The following CRYBG1 variants were observed in gnomAD, a reference collection of about 807,000 sequenced individuals.
The protein encoded by CRYBG1 is crystallin beta-gamma domain containing 1, also known as beta/gamma crystallin domain-containing protein 1.
CRYBG1 carries 139 observed loss-of-function variants against 189.2 expected under a neutral mutation model. That is an observed-to-expected ratio of 0.73 (90% CI 0.64 to 0.85). CRYBG1 has a LOEUF of 0.85. Among genes scored for constraint, CRYBG1 ranks in the 40% least tolerant of loss-of-function variants. The probability of loss-of-function intolerance (pLI) is 0.00; values close to 1 mark genes in which losing one functional copy is unlikely to be tolerated. For missense variants in CRYBG1, 2,611 were observed against 2,675.8 expected, an observed-to-expected ratio of 0.98 and a Z score of 0.53; for synonymous variants, 1,023 against 1,017.1, an observed-to-expected ratio of 1.01 and a Z score of -0.11.
intron 3 of CRYBG1, among the ~76,000 whole-genome samples, chr6:106,513,731 A>G (rs553043029): frequency 6.6e-6 from 1 of 152,342 alleles, no homozygotes; most frequent in South Asian, 2.1e-4. Context: ...TGAGTTTAAG[A>G]TAATTCCAAA....
chr6:106,386,208 T>C (rs1385148286), intron 1 of CRYBG1, among the ~76,000 whole-genome samples: 1 of 152,222 alleles, frequency 6.6e-6, no homozygotes, highest in African/African-American at 2.4e-5. Flanking sequence ...TTTCTTTTTG[T>C]TGGCAGTCTT....
At chr6:106,410,529 T>C (rs922679715) in intron 1 of CRYBG1, among the ~76,000 whole-genome samples, 7 of 152,238 alleles carry the variant, frequency 4.6e-5, no homozygotes, top group Non-Finnish European at 1.5e-5. Context: ...ACTGGGTATA[T>C]ACCAAAAGGA....
At chr6:106,386,613 A>T (rs1467940591) in intron 1 of CRYBG1, among the ~76,000 whole-genome samples, 1 of 152,194 alleles carries the variant, frequency 6.6e-6, no homozygotes, top group Non-Finnish European at 1.5e-5. Flanking sequence ...TCCACCTCAG[A>T]TCATCAGGCA....
At position 106,511,852 on chromosome 6, in the gene CRYBG1, C is replaced by G. The variant is rs1193636170; in HGVS notation, c.735C>G (p.Phe245Leu). 2.0e-6 allele frequency: 3 copies of G among 1,515,134 alleles called. No homozygotes were observed. The highest frequency in any genetic ancestry group is 2.6e-6 in the Non-Finnish European group (3 of 1,134,014). The allele number at this position is 1,515,134 out of a possible 1,614,324, so 93.9% of individuals were successfully genotyped here. A position where few individuals can be genotyped will look rare whatever the true frequency, so the allele number is the denominator to read the frequency against. ...CTCTGGAGGCAGAGGGAGAGCCTTTCCCAGATGCCACCACCACTGCCAAGC... is the reference window on the plus strand; with the variant it reads ...CTCTGGAGGCAGAGGGAGAGCCTTTGCCAGATGCCACCACCACTGCCAAGC... ...LEPLEAEGEP[F>L]PDATTTAKQL... The change falls in exon 3 of 22, where the codon TTC becomes TTG. Residue 245 changes from phenylalanine (F) to leucine (L), a missense_variant. This residue lies in a region of CRYBG1 where 985 missense variants were observed against 924.4 expected (regional missense o/e 1.07). Coordinates refer to ENST00000633556, the MANE Select transcript of CRYBG1 (RefSeq NM_001371242.2).
At chr6:106,448,804 G>A (rs371434048) in intron 1 of CRYBG1, among the ~76,000 whole-genome samples, 1 of 152,052 alleles carries the variant, frequency 6.6e-6, no homozygotes, top group East Asian at 1.9e-4. Context: ...TGTCCTTCAG[G>A]TCTCAGCCTC....
At chr6:106,488,442 T>C (rs1476630161) in intron 2 of CRYBG1, among the ~76,000 whole-genome samples, 3 of 152,174 alleles carry the variant, frequency 2.0e-5, no homozygotes, top group African/African-American at 7.2e-5. Context: ...GTTGGGTAAA[T>C]GTCCAACAGT....
chr6:106,404,242 C>T (rs1031093632), intron 1 of CRYBG1, among the ~76,000 whole-genome samples: 4 of 152,186 alleles, frequency 2.6e-5, no homozygotes, highest in Admixed American at 6.5e-5. Flanking sequence ...GACTGGCTTC[C>T]AGGCTTCCTC....
At chr6:106,541,665 T>G in intron 10 of CRYBG1, 44 bp downstream of exon 10, 4 of 1,309,688 alleles carry the variant, frequency 3.1e-6, no homozygotes, top group Non-Finnish European at 2.2e-6. Flanking sequence ...TATGTAATTA[T>G]TTAAACATAT....
intron 8 of CRYBG1, among the ~76,000 whole-genome samples, chr6:106,531,415 G>C (rs1773873019): frequency 6.6e-6 from 1 of 152,342 alleles, no homozygotes. Context: ...CTTGCTCTCT[G>C]TTATTCCATA....
At chr6:106,416,403 G>T (rs2114380708) in intron 1 of CRYBG1, among the ~76,000 whole-genome samples, 1 of 152,338 alleles carries the variant, frequency 6.6e-6, no homozygotes, top group Non-Finnish European at 1.5e-5. Context: ...GGAGACGGGA[G>T]ACACCCAAGC....
chr6:106,373,733 A>G lies in CRYBG1; in HGVS notation c.173+12652A>G, dbSNP rs919669819. ...TTCCATTTTACCAGACTGGAAATTT[A>G]TATGCTCTGGTATTTAGATTACATG... On this transcript the variant is annotated intron_variant, in intron 1 of 21. Coordinates refer to ENST00000633556, the MANE Select transcript of CRYBG1 (RefSeq NM_001371242.2). 5.9e-5 allele frequency among the ~76,000 whole-genome samples: 9 copies of G among 152,348 alleles called. No homozygotes were observed. In the South Asian group the frequency reaches 1.0e-3, roughly 18 times the overall value.
chr6:106,543,670 C>G, intron 11 of CRYBG1, 73 bp downstream of exon 11: 31 of 1,475,558 alleles, frequency 2.1e-5, no homozygotes, highest in South Asian at 1.9e-4. Flanking sequence ...CCCTTTCCCC[C>G]CTAAAAACAA....
At chr6:106,393,813 C>T (rs1223516068) in intron 1 of CRYBG1, among the ~76,000 whole-genome samples, 1 of 152,006 alleles carries the variant, frequency 6.6e-6, no homozygotes, top group African/African-American at 2.4e-5. Context: ...GCTGGGACTA[C>T]AGCCATGTGC....
intron 1 of CRYBG1, among the ~76,000 whole-genome samples, chr6:106,401,533 T>C (rs1189654674): frequency 1.6e-5 from 2 of 124,980 alleles, no homozygotes; most frequent in Non-Finnish European, 3.3e-5. Flanking sequence ...ATTAGGTATA[T>C]CTCCCAATGC....
rs1194054197 is a variant in CRYBG1, at chr6:106,570,016, A to G, written c.*1450A>G. 6.6e-6 allele frequency: 1 copy of G among 152,226 alleles called. No individual in the cohort carries two copies. Among genetic ancestry groups the G allele is most frequent in the Non-Finnish European group, 1.5e-5 (1 of 68,040 alleles). 9.4% of individuals were successfully genotyped at this position (152,226 alleles called of 1,614,324 possible). A position where few individuals can be genotyped will look rare whatever the true frequency, so the allele number is the denominator to read the frequency against. On this transcript the variant is annotated 3_prime_UTR_variant, in exon 22 of 22. Transcript: ENST00000633556. ...GCAGTAAGCATTTCAAAATGCAAAC[A>G]AACTGCTTAACAACTGACAAGACAC...
intron 7 of CRYBG1, among the ~76,000 whole-genome samples, chr6:106,528,988 G>T (rs1773815590): frequency 1.3e-5 from 2 of 150,510 alleles, no homozygotes; most frequent in Non-Finnish European, 2.9e-5. Context: ...CTGTCGCCCA[G>T]GCTGGAGTGC....
rs1239957124 is a variant in CRYBG1, at chr6:106,483,788, A to G, written c.313-27642A>G. Among the ~76,000 whole-genome samples the G allele has an allele frequency of 2.6e-5, 4 of 152,258 alleles. No homozygotes were observed. The East Asian group carries it at 7.7e-4, about 29-fold the overall frequency. ...GAATAGCAATGTTGAACATTTTTTC[A>G]TAAACCTGTTGGCCATTTGTATGTC... On this transcript the variant is annotated intron_variant, in intron 2 of 21. Transcript: ENST00000633556.
chr6:106,457,751 G>A (rs928835502), intron 2 of CRYBG1, among the ~76,000 whole-genome samples: 1 of 151,982 alleles, frequency 6.6e-6, no homozygotes, highest in Non-Finnish European at 1.5e-5. Flanking sequence ...TATCCACATG[G>A]GTAGATCTAG....
In CRYBG1 at chr6:106,551,837, GC is replaced by G; in HGVS notation, c.5313-14del. On this transcript the variant is annotated splice_polypyrimidine_tract_variant and intron_variant, in intron 13 of 21. Transcript: ENST00000633556. The stretch of plus-strand genomic sequence containing the variant: ...AAAATATGAACTCCAACAAGTGATT[GC>G]TTTTGTTTCTTAGATGGGTAGCCTA... 1 of 1,609,932 alleles carries G rather than the reference GC, an allele frequency of 6.2e-7. No homozygotes were observed.
Sources: gnomAD v4.1 joint callset for allele counts (sites outside exome capture counted in the v4.1 genomes callset) on GRCh38, gnomAD v4.1.1 for gene constraint, gnomAD v4.1.1 regional missense constraint, MANE v1.5 for transcripts, NCBI Gene and HGNC (gene_info 2026-07-23, HGNC 2026-07-21) for gene names.